BNC2: variants seen among roughly 807,000 people sequenced by gnomAD.
The protein encoded by BNC2 is basonuclin zinc finger protein 2.
BNC2 carries 20 observed loss-of-function variants against 76.3 expected under a neutral mutation model. The observed-to-expected ratio is 0.26, with a 90% CI of 0.18 to 0.38. The LOEUF is 0.38. Ranked by LOEUF, BNC2 falls within the 10% of genes least tolerant of loss-of-function variation. BNC2 has a pLI of 1.00. For missense variants in BNC2, 1,382 were observed against 1,399.8 expected, an observed-to-expected ratio of 0.99 and a Z score of 0.20; for synonymous variants, 582 against 514.8, an observed-to-expected ratio of 1.13 and a Z score of -1.77.
intron 5 of BNC2, among the ~76,000 whole-genome samples, chr9:16,441,535 T>C (rs867570772): frequency 4.6e-5 from 7 of 152,190 alleles, no homozygotes; most frequent in African/African-American, 1.7e-4. Context: ...ATCTTTGTGA[T>C]AGAAATAAGT....
chr9:16,773,701 G>T (rs1312335166), intron 1 of BNC2, among the ~76,000 whole-genome samples: 1 of 152,118 alleles, frequency 6.6e-6, no homozygotes, highest in Non-Finnish European at 1.5e-5. Flanking sequence ...CAAGGTGCTT[G>T]GAGGAAACTT....
At chr9:16,816,377 T>C (rs1818182277) in intron 1 of BNC2, among the ~76,000 whole-genome samples, 3 of 152,152 alleles carry the variant, frequency 2.0e-5, no homozygotes, top group South Asian at 2.1e-4. Context: ...TGCAGGGGCA[T>C]GTAGGTGTGC....
chr9:16,622,600 GATATA>G (rs1820894230), intron 3 of BNC2, among the ~76,000 whole-genome samples: 1 of 152,126 alleles, frequency 6.6e-6, no homozygotes, highest in Non-Finnish European at 1.5e-5. Context: ...GAAATTACAA[GATATA>G]ATGTAGCTGA....
intron 1 of BNC2, among the ~76,000 whole-genome samples, chr9:16,846,749 G>C (rs763467843): frequency 3.9e-5 from 6 of 152,174 alleles, no homozygotes; most frequent in Non-Finnish European, 8.8e-5. Flanking sequence ...AATTATTTTA[G>C]ACCAATCCAT....
At chr9:16,775,327 A>T (rs910556127) in intron 1 of BNC2, among the ~76,000 whole-genome samples, 1 of 152,020 alleles carries the variant, frequency 6.6e-6, no homozygotes, top group Non-Finnish European at 1.5e-5. Context: ...AGAGCAATAT[A>T]CAGAAGTAGC....
chr9:16,861,201 T>TATATATATATATATATATATAA (rs1554752613), intron 1 of BNC2, among the ~76,000 whole-genome samples: 1 of 105,562 alleles, frequency 9.5e-6, no homozygotes, highest in Admixed American at 9.6e-5. Context: ...TATATATATA[T>TATATATATATATATATATATAA]AAATTAACCA....
At chr9:16,542,794 T>C (rs1314415594) in intron 5 of BNC2, among the ~76,000 whole-genome samples, 6 of 152,230 alleles carry the variant, frequency 3.9e-5, no homozygotes, top group Non-Finnish European at 7.3e-5. Context: ...AATGTATCTT[T>C]ATTTGCATTT....
intron 3 of BNC2, among the ~76,000 whole-genome samples, chr9:16,692,784 G>A (rs971295274): frequency 6.6e-6 from 1 of 152,120 alleles, no homozygotes; most frequent in Non-Finnish European, 1.5e-5. Context: ...GTGATGCTGT[G>A]TTTGGAATGA....
intron 5 of BNC2, among the ~76,000 whole-genome samples, chr9:16,482,884 G>C (rs756640936): frequency 2.0e-5 from 3 of 152,174 alleles, no homozygotes; most frequent in Non-Finnish European, 4.4e-5. Context: ...AAGGTCCGGG[G>C]CTTTCCGTGG....
At chr9:16,818,412 A>C (rs1818236036) in intron 1 of BNC2, among the ~76,000 whole-genome samples, 1 of 152,198 alleles carries the variant, frequency 6.6e-6, no homozygotes, top group Non-Finnish European at 1.5e-5. Context: ...TCAAAAAAAA[A>C]TTAAACCCAA....
chr9:16,761,858 C>G (rs1259186166), intron 1 of BNC2, among the ~76,000 whole-genome samples: 2 of 152,132 alleles, frequency 1.3e-5, no homozygotes, highest in African/African-American at 4.8e-5. Flanking sequence ...TGCTCTGTAG[C>G]TGATGAAATT....
Position 16,548,720 on chromosome 9 carries a change from T to G in BNC2, c.669+3810A>C, listed in dbSNP as rs371995759. Among the ~76,000 whole-genome samples the G allele has an allele frequency of 2.8e-3, 422 of 152,336 alleles. 3 individuals carry two copies. The highest frequency in any genetic ancestry group is 2.8e-3 in the Non-Finnish European group (192 of 68,036). On this transcript the variant is annotated intron_variant, in intron 5 of 6. Coordinates refer to ENST00000380672, the MANE Select transcript of BNC2 (RefSeq NM_017637.6). ...ACGCCTGGCCAGAATTATTCTTTAG[T>G]AGTAGAAAAACATCATATTCTCCCT...
intron 5 of BNC2, among the ~76,000 whole-genome samples, chr9:16,473,570 A>G (rs547461459): frequency 1.3e-5 from 2 of 152,262 alleles, no homozygotes; most frequent in Admixed American, 6.5e-5. Context: ...ATTCCTGACT[A>G]TCTCATGAAG....
rs1366379207 is a variant in BNC2 at position 16,702,312 on chromosome 9, T to C, written c.330+25485A>G. On this transcript the variant is annotated intron_variant, in intron 3 of 6. Transcript: ENST00000380672. ...TTCAAGATCCACTATCAAATGCTAA[T>C]GACTATAAGGCAGGAAGCTTTAATT... Among the ~76,000 whole-genome samples, 4 of 152,168 alleles carry C rather than the reference T, an allele frequency of 2.6e-5. No homozygotes were observed. The East Asian group carries it at 5.8e-4, about 22-fold the overall frequency.
intron 1 of BNC2, among the ~76,000 whole-genome samples, chr9:16,792,083 T>C (rs1051496859): frequency 8.2e-5 from 11 of 134,234 alleles, no homozygotes; most frequent in Admixed American, 2.4e-4. Context: ...GCCTGGGTGA[T>C]AGAACAAGAC....
Position 16,435,805 on chromosome 9 carries a change from C to T in BNC2, c.2389G>A (p.Gly797Arg), listed in dbSNP as rs146878452. 8.1e-6 allele frequency: 13 copies of T among 1,614,072 alleles called. No homozygotes were observed. The highest frequency in any genetic ancestry group is 6.7e-5 in the Admixed American group (4 of 59,998). ...TGCAAGGCGGCCATGCTGGCACCCC[C>T]ACCATTGTACAGTCCATACTGGCTC... ...YMSQYGLYNG[G>R]GASMAALHES... The change falls in exon 6 of 7, where the codon GGG becomes AGG. Residue 797 changes from glycine (G) to arginine (R), a missense_variant. Physicochemically the swap from Gly to Arg is moderately radical, Grantham distance 125. Transcript: ENST00000380672.
At chr9:16,868,018 T>C (rs1264457638) in intron 1 of BNC2, 1 of 152,180 alleles carries the variant, frequency 6.6e-6, no homozygotes. Flanking sequence ...AAGTGAATCA[T>C]ATCCTGCTGC....
intron 5 of BNC2, among the ~76,000 whole-genome samples, chr9:16,509,215 AG>A (rs1427621081): frequency 6.6e-6 from 1 of 152,200 alleles, no homozygotes; most frequent in Admixed American, 6.5e-5. Context: ...TTCTCCAGGA[AG>A]CTGTCAAAGA....
At chr9:16,756,796 T>C (rs1233903156) in intron 1 of BNC2, among the ~76,000 whole-genome samples, 1 of 152,130 alleles carries the variant, frequency 6.6e-6, no homozygotes, top group African/African-American at 2.4e-5. Flanking sequence ...AAAAATATCC[T>C]GGCTAACACA....
Sources: gnomAD v4.1 joint callset for allele counts (sites outside exome capture counted in the v4.1 genomes callset) on GRCh38, gnomAD v4.1.1 for gene constraint, MANE v1.5 for transcripts, NCBI Gene and HGNC (gene_info 2026-07-23, HGNC 2026-07-21) for gene names.